The following CPM variants were observed in gnomAD, a reference collection of about 807,000 sequenced individuals.
CPM encodes the protein renal carboxypeptidase.
Under a neutral mutation model 46.4 loss-of-function variants are expected in CPM, and 35 were observed. That is an observed-to-expected ratio of 0.75 (90% confidence interval 0.58 to 1.00). CPM has a LOEUF of 1.00. CPM is among the 50% of genes least tolerant of loss of function. CPM has a pLI of 0.00. For missense variants in CPM, 422 were observed against 530.4 expected (o/e 0.80, Z 2.01); for synonymous variants, 195 against 195.3 (o/e 1.00, Z 0.01).
At chr12:68,877,393 A>G (rs1225138976) in intron 3 of CPM, among the ~76,000 whole-genome samples, 1 of 152,214 alleles carries the variant, frequency 6.6e-6, no homozygotes, top group Non-Finnish European at 1.5e-5. Flanking sequence ...GATCAAGACT[A>G]TCCTGAGGAA....
chr12:68,951,093 T>C (rs948054946), intron 1 of CPM, among the ~76,000 whole-genome samples: 1 of 152,252 alleles, frequency 6.6e-6, no homozygotes, highest in African/African-American at 2.4e-5. Flanking sequence ...ATATGGACTT[T>C]AAAGTCTGAC....
intron 5 of CPM, chr12:68,842,752 A>G (rs1290001713): frequency 5.2e-6 from 1 of 193,670 alleles, no homozygotes. Flanking sequence ...AAGGGAGGAT[A>G]TAAGGAACCA....
chr12:68,862,952 T>C (rs953536562), intron 7 of CPM, among the ~76,000 whole-genome samples: 3 of 151,956 alleles, frequency 2.0e-5, no homozygotes, highest in South Asian at 2.1e-4. Flanking sequence ...GATGGGGAGA[T>C]ACATGGGAGA....
chr12:68,862,954 C>A lies in CPM; in HGVS notation c.941-3883G>T, dbSNP rs143335877. Reference sequence around the variant, plus strand: ...AATTCTGTGGCCAGATGGGGAGATACATGGGAGAAATGTAAAGCTCTTTTT... The same window carrying A: ...AATTCTGTGGCCAGATGGGGAGATAAATGGGAGAAATGTAAAGCTCTTTTT... On this transcript the variant is annotated intron_variant, in intron 7 of 8. Coordinates refer to ENST00000551568, the MANE Select transcript of CPM (RefSeq NM_198320.5). Among the ~76,000 whole-genome samples, 3 of 151,894 alleles carry A rather than the reference C, an allele frequency of 2.0e-5. No individual in the cohort carries two copies. The East Asian group carries it at 5.8e-4, about 29-fold the overall frequency.
intron 3 of CPM, among the ~76,000 whole-genome samples, chr12:68,874,389 G>A (rs1885846332): frequency 6.6e-6 from 1 of 152,060 alleles, no homozygotes; most frequent in African/African-American, 2.4e-5. Context: ...GCCGAGGTGG[G>A]TGGATCACCC....
At chr12:68,942,486 G>T (rs1888780533) in intron 1 of CPM, among the ~76,000 whole-genome samples, 1 of 152,178 alleles carries the variant, frequency 6.6e-6, no homozygotes, top group Admixed American at 6.5e-5. Context: ...GTCCCTTGTT[G>T]GCACTATGTC....
chr12:68,869,674 G>A lies in CPM; in HGVS notation c.617-179C>T, dbSNP rs577370848. Among the ~76,000 whole-genome samples, 186 of 152,246 alleles carry A rather than the reference G, an allele frequency of 1.2e-3. 1 individual carries two copies. The highest frequency in any genetic ancestry group is 2.3e-3 in the Non-Finnish European group (154 of 68,012). On this transcript the variant is annotated intron_variant, in intron 5 of 8. Coordinates refer to ENST00000551568, the MANE Select transcript of CPM (RefSeq NM_198320.5). ...ACTTTATAATAAACATATGCAAGGT[G>A]ATAGCCCCCAAATAAGTCAGATACA... is the stretch of plus-strand genomic sequence containing the variant.
At chr12:68,925,207 C>G (rs888888085) in intron 2 of CPM, among the ~76,000 whole-genome samples, 6 of 152,078 alleles carry the variant, frequency 3.9e-5, no homozygotes, top group African/African-American at 1.4e-4. Context: ...TAAATCAACA[C>G]AATCTTTTTG....
chr12:68,910,379 G>A (rs918038606), intron 2 of CPM, among the ~76,000 whole-genome samples: 10 of 152,088 alleles, frequency 6.6e-5, no homozygotes, highest in South Asian at 6.2e-4. Context: ...AACTGTAGAC[G>A]TGTGTATACA....
chr12:68,881,284 A>C (rs1280881715), intron 3 of CPM, among the ~76,000 whole-genome samples: 1 of 152,272 alleles, frequency 6.6e-6, no homozygotes, highest in Non-Finnish European at 1.5e-5. Flanking sequence ...ACTATAAAGA[A>C]GCAAACCAAA....
chr12:68,844,395 G>A (rs1484564049), intron 5 of CPM: 1 of 226,472 alleles, frequency 4.4e-6, no homozygotes, highest in Non-Finnish European at 8.8e-6. Context: ...GAATGATGTT[G>A]CAAGTTAGTA....
intron 2 of CPM, among the ~76,000 whole-genome samples, chr12:68,904,773 G>A (rs146452455): frequency 4.9e-4 from 75 of 152,328 alleles, no homozygotes; most frequent in African/African-American, 1.7e-3. Context: ...TGGCATGTGG[G>A]TGGAAGGGGA....
At chr12:68,924,186 A>T (rs1814909118) in intron 2 of CPM, among the ~76,000 whole-genome samples, 1 of 151,120 alleles carries the variant, frequency 6.6e-6, no homozygotes, top group African/African-American at 2.4e-5. Flanking sequence ...ATTGTGGGGA[A>T]TAATGTAAGC....
chr12:68,866,240 T>A (rs1172471662), intron 7 of CPM, among the ~76,000 whole-genome samples: 2 of 152,148 alleles, frequency 1.3e-5, no homozygotes, highest in Admixed American at 1.3e-4. Flanking sequence ...AAATGGGAGA[T>A]GATGTAACAG....
At position 68,856,693 on chromosome 12, in the gene CPM, A is replaced by T; in HGVS notation, c.1090-14T>A. The T allele has an allele frequency of 6.2e-7, 1 of 1,612,074 alleles. No individual in the cohort carries two copies. Among genetic ancestry groups the T allele is most frequent in the East Asian group, 2.2e-5 (1 of 44,848 alleles). On this transcript the variant is annotated splice_polypyrimidine_tract_variant and intron_variant, in intron 8 of 8. Transcript: ENST00000551568. ...AGGGACTGTAACCTGAGAAGAAACA[A>T]GAGACAATTATATGAGTGACTTAAG...
chr12:68,910,082 G>A, intron 2 of CPM, among the ~76,000 whole-genome samples: 1 of 152,136 alleles, frequency 6.6e-6, no homozygotes, highest in East Asian at 1.9e-4. Flanking sequence ...AAAAATGCAT[G>A]TACTTTTTGA....
chr12:68,955,135 C>T (rs920598748), intron 1 of CPM, among the ~76,000 whole-genome samples: 4 of 152,130 alleles, frequency 2.6e-5, no homozygotes, highest in African/African-American at 7.2e-5. Flanking sequence ...CCTGCTGGGC[C>T]GAGTGGGCAG....
intron 1 of CPM, among the ~76,000 whole-genome samples, chr12:68,949,331 AC>A (rs1888898704): frequency 6.6e-6 from 1 of 152,232 alleles, no homozygotes; most frequent in Admixed American, 6.5e-5. Context: ...TGATTGTACC[AC>A]AGCACTTTAG....
chr12:68,889,482 A>G lies in CPM; in HGVS notation c.161-3593T>C, dbSNP rs111840725. ...AATTATATAATTACAACCATGTAAA[A>G]CAGACTTTCTATTAAAAACCTATAG... On this transcript the variant is annotated intron_variant, in intron 2 of 8. Coordinates refer to ENST00000551568, the MANE Select transcript of CPM (RefSeq NM_198320.5). Among the ~76,000 whole-genome samples, 627 of 152,326 alleles carry G rather than the reference A, an allele frequency of 4.1e-3. 4 individuals carry two copies. The highest frequency in any genetic ancestry group is 0.014 in the African/African-American group (578 of 41,568).
Sources: allele counts gnomAD v4.1 joint callset (sites outside exome capture counted in the v4.1 genomes callset), GRCh38; gene constraint gnomAD v4.1.1; transcripts MANE v1.5; gene names NCBI Gene and HGNC (gene_info 2026-07-23, HGNC 2026-07-21).